Variants in HSD17B2 observed in about 807,000 individuals in gnomAD.
HSD17B2 encodes hydroxysteroid 17-beta dehydrogenase 2.
A neutral mutation model predicts 26.9 loss-of-function variants in HSD17B2; 32 were observed. That is an observed-to-expected ratio of 1.19 (90% CI 0.90 to 1.60). The LOEUF is 1.60. HSD17B2 is among the 40% of genes most tolerant of loss of function. The pLI, the probability that HSD17B2 is intolerant of heterozygous loss-of-function variation, is 0.00. For missense variants in HSD17B2, 613 were observed against 468.6 expected, an observed-to-expected ratio of 1.31 and a Z score of -2.85; for synonymous variants, 246 against 186.7, an observed-to-expected ratio of 1.32 and a Z score of -2.59.
intron 1 of HSD17B2, among the ~76,000 whole-genome samples, chr16:82,052,886 G>A (rs1914150970): frequency 6.6e-6 from 1 of 152,176 alleles, no homozygotes. Flanking sequence ...TGAAGAGCAT[G>A]GTACTGGCAT....
chr16:82,090,835 A>C, intron 3 of HSD17B2, 67 bp from the exon 4 acceptor site: 1 of 1,438,066 alleles, frequency 7.0e-7, no homozygotes, highest in East Asian at 2.4e-5. Context: ...GACACTGATT[A>C]AATATTTATT....
chr16:82,061,770 A>T (rs1914445101), intron 1 of HSD17B2, among the ~76,000 whole-genome samples: 1 of 152,346 alleles, frequency 6.6e-6, no homozygotes, highest in African/African-American at 2.4e-5. Context: ...TCTTTTATTG[A>T]TCTCAGTATT....
chr16:82,070,828 C>T, intron 2 of HSD17B2, 114 bp from the exon 3 acceptor site: 2 of 960,836 alleles, frequency 2.1e-6, no homozygotes, highest in East Asian at 5.0e-5. Context: ...GACTCTAATC[C>T]CCCAGGAGAC....
intron 1 of HSD17B2, among the ~76,000 whole-genome samples, chr16:82,064,358 T>C (rs1447898002): frequency 6.6e-6 from 1 of 152,272 alleles, no homozygotes; most frequent in African/African-American, 2.4e-5. Flanking sequence ...TTTCTATGGC[T>C]TAATAATATC....
In HSD17B2 at chr16:82,098,370, T is replaced by C. The variant is rs754173670; in HGVS notation, c.1098T>C (p.His366=). The change falls in exon 5 of 5, where the codon CAT becomes CAC. Residue 366 remains histidine (H), a synonymous_variant. Transcript: ENST00000199936. ...TATATGATTACTTTGCTAAAAGACATTTTGGCCAAGACAAGCCCATGCCCA... is the reference window on the plus strand; with the variant it reads ...TATATGATTACTTTGCTAAAAGACACTTTGGCCAAGACAAGCCCATGCCCA... ...IGIYDYFAKR[H]FGQDKPMPRA... 1.9e-6 allele frequency: 3 copies of C among 1,614,076 alleles called. No homozygotes were observed. The highest frequency in any genetic ancestry group is 3.3e-5 in the Admixed American group (2 of 60,026).
intron 3 of HSD17B2, among the ~76,000 whole-genome samples, chr16:82,088,000 C>T (rs906644179): frequency 6.6e-6 from 1 of 152,182 alleles, no homozygotes; most frequent in Non-Finnish European, 1.5e-5. Flanking sequence ...TCAACATACG[C>T]TTTTGGAGGG....
chr16:82,075,624 G>A (rs1274694497), intron 3 of HSD17B2, among the ~76,000 whole-genome samples: 1 of 151,984 alleles, frequency 6.6e-6, no homozygotes, highest in African/African-American at 2.4e-5. Context: ...ACCTAGAAGA[G>A]ATGGATAAAT....
intron 3 of HSD17B2, among the ~76,000 whole-genome samples, chr16:82,080,699 A>G (rs572332403): frequency 6.6e-6 from 1 of 152,292 alleles, no homozygotes; most frequent in African/African-American, 2.4e-5. Flanking sequence ...GCACCTAATT[A>G]CCGATTCCAA....
At chr16:82,046,884 G>C (rs974465526) in intron 1 of HSD17B2, among the ~76,000 whole-genome samples, 3 of 152,182 alleles carry the variant, frequency 2.0e-5, no homozygotes, top group Non-Finnish European at 2.9e-5. Flanking sequence ...AATTGGCAGT[G>C]CTGGAATTCA....
At chr16:82,058,721 TCA>T (rs1855850124) in intron 1 of HSD17B2, among the ~76,000 whole-genome samples, 1 of 152,192 alleles carries the variant, frequency 6.6e-6, no homozygotes, top group Non-Finnish European at 1.5e-5. Context: ...TCTGTACAGT[TCA>T]GTTTCCTTTG....
rs8191192 is a variant in HSD17B2 at position 82,073,805 on chromosome 16, C to T, written c.664+2678C>T. Reference sequence around the variant, plus strand: ...AGCAATTTATAGATTCGATGCTATTCCTATTAAACTACCATTGAGGTTCTT... The same window carrying T: ...AGCAATTTATAGATTCGATGCTATTTCTATTAAACTACCATTGAGGTTCTT... On this transcript the variant is annotated intron_variant, in intron 3 of 4. Coordinates refer to ENST00000199936, the MANE Select transcript of HSD17B2 (RefSeq NM_002153.3). 8.7e-3 allele frequency among the ~76,000 whole-genome samples: 1,323 copies of T among 152,222 alleles called. 14 individuals carry two copies. The highest frequency in any genetic ancestry group is 0.013 in the Non-Finnish European group (877 of 68,000).
chr16:82,090,997 G>T lies in HSD17B2; in HGVS notation c.760G>T (p.Gly254Ter), dbSNP rs267604659. ...SVMRLELSKW[G>*]IKVASIQPGG... ...TATGAGACTGGAGCTTTCCAAGTGG[G>T]GAATTAAAGTTGCTTCCATCCAACC... Residue 254 changes from glycine (G) to a stop codon, truncating the protein, a stop_gained, in exon 4 of 5, where the codon GGA becomes TGA. Transcript: ENST00000199936. LOFTEE classifies it low-confidence loss of function (END_TRUNC). The T allele has an allele frequency of 1.2e-6, 2 of 1,613,880 alleles. No homozygotes were observed. The highest frequency in any genetic ancestry group is 1.7e-5 in the Admixed American group (1 of 59,984).
chr16:82,093,807 G>A (rs1355284226), intron 4 of HSD17B2: 1 of 152,168 alleles, frequency 6.6e-6, no homozygotes, highest in Non-Finnish European at 1.5e-5. Context: ...TATACTTATA[G>A]TTACTTCTTG....
At chr16:82,091,732 T>A (rs1223293006) in intron 4 of HSD17B2, 1 of 152,902 alleles carries the variant, frequency 6.5e-6, no homozygotes, top group East Asian at 1.9e-4. Flanking sequence ...TGGGAAGGGG[T>A]TGTCATGCAT....
intron 1 of HSD17B2, among the ~76,000 whole-genome samples, chr16:82,067,962 A>G (rs1914610539): frequency 6.6e-6 from 1 of 152,150 alleles, no homozygotes; most frequent in Non-Finnish European, 1.5e-5. Context: ...ATTCTATATT[A>G]TGCCCCTTTC....
chr16:82,060,675 A>T (rs1914411386), intron 1 of HSD17B2, among the ~76,000 whole-genome samples: 1 of 152,224 alleles, frequency 6.6e-6, no homozygotes, highest in South Asian at 2.1e-4. Context: ...CTACCATAAG[A>T]AGTGAGATTC....
Position 82,071,051 on chromosome 16 carries a change from T to C in HSD17B2, c.588T>C (p.Thr196=). The C allele has an allele frequency of 1.2e-6, 2 of 1,614,130 alleles. No homozygotes were observed. Among genetic ancestry groups the C allele is most frequent in the Non-Finnish European group, 1.7e-6 (2 of 1,179,938 alleles). The change falls in exon 3 of 5, where the codon ACT becomes ACC. Residue 196 remains threonine (T), a synonymous_variant. Transcript: ENST00000199936. ...GCATGGCCGTGAACTTCTTTGGAAC[T>C]GTGGAGGTCACAAAGACGTTTTTGC... is the stretch of plus-strand genomic sequence containing the variant. The part of the protein sequence containing the change: ...KQCMAVNFFG[T]VEVTKTFLPL...
At chr16:82,053,956 G>C (rs1380555403) in intron 1 of HSD17B2, among the ~76,000 whole-genome samples, 1 of 152,134 alleles carries the variant, frequency 6.6e-6, no homozygotes, top group African/African-American at 2.4e-5. Context: ...AAGTGATTCA[G>C]ATATCACTTA....
chr16:82,067,446 CT>C (rs1180948965), intron 1 of HSD17B2, among the ~76,000 whole-genome samples: 5 of 152,232 alleles, frequency 3.3e-5, no homozygotes, highest in Non-Finnish European at 5.9e-5. Flanking sequence ...CTAATACCCT[CT>C]TGGCTGGGTT....
Sources: allele counts gnomAD v4.1 joint callset (sites outside exome capture counted in the v4.1 genomes callset), GRCh38; gene constraint gnomAD v4.1.1; transcripts MANE v1.5; gene names NCBI Gene and HGNC (gene_info 2026-07-23, HGNC 2026-07-21).